Variants in GLRX observed in about 807,000 individuals in gnomAD.
GLRX encodes the protein glutaredoxin, also known as glutaredoxin-1.
A neutral mutation model predicts 11.1 loss-of-function variants in GLRX; 9 were observed. That is an observed-to-expected ratio of 0.81 (90% confidence interval 0.49 to 1.42). The LOEUF is 1.42. Ranked by LOEUF, GLRX falls within the 40% of genes most tolerant of loss-of-function variation. The pLI is 0.00. For missense variants in GLRX, 102 were observed against 126.2 expected, an observed-to-expected ratio of 0.81 and a Z score of 0.92; for synonymous variants, 49 against 49.5, an observed-to-expected ratio of 0.99 and a Z score of 0.04.
At chr5:95,817,961 AAG>A (rs1404515012) in intron 1 of GLRX, 1 of 152,224 alleles carries the variant, frequency 6.6e-6, no homozygotes, top group Non-Finnish European at 1.5e-5. Flanking sequence ...TTTTATTAAA[AAG>A]GGGGTCTGGG....
chr5:95,815,630 AGCGCTAGCT>A (rs1005892036), intron 2 of GLRX, among the ~76,000 whole-genome samples: 1 of 152,196 alleles, frequency 6.6e-6, no homozygotes, highest in African/African-American at 2.4e-5. Context: ...GGAGCTAGCT[AGCGCTAGCT>A]GTGCTGGGGA....
chr5:95,822,426 CT>C (rs1561468820), intron 1 of GLRX, 29 bp downstream of exon 1: 2 of 1,563,720 alleles, frequency 1.3e-6, no homozygotes, highest in South Asian at 2.2e-5. Context: ...ATCCGGGAGC[CT>C]TTCCCTAGCC....
At position 95,819,718 on chromosome 5, in the gene GLRX, T is replaced by C. The variant is rs529281543; in HGVS notation, c.207+2738A>G. Among the ~76,000 whole-genome samples, 3 of 151,560 alleles carry C rather than the reference T, an allele frequency of 2.0e-5. No individual in the cohort carries two copies. In the South Asian group the frequency reaches 6.3e-4, roughly 32 times the overall value. On this transcript the variant is annotated intron_variant, in intron 1 of 2. Coordinates refer to ENST00000237858, the MANE Select transcript of GLRX (RefSeq NM_001118890.2). ...ATTGAGACCATCCTGGCTAACACAG[T>C]GAAAACCCGTCTCTACTAAACATAC...
Position 95,813,856 on chromosome 5 carries a change from A to G in GLRX, c.*540T>C, listed in dbSNP as rs1200091732. 1.3e-5 allele frequency: 2 copies of G among 152,276 alleles called. No individual in the cohort carries two copies. The highest frequency in any genetic ancestry group is 2.9e-5 in the Non-Finnish European group (2 of 68,046). 9.4% of individuals were successfully genotyped at this position (152,276 alleles called of 1,614,324 possible). On this transcript the variant is annotated 3_prime_UTR_variant, in exon 3 of 3. Coordinates refer to ENST00000237858, the MANE Select transcript of GLRX (RefSeq NM_001118890.2). Reference sequence around the variant, plus strand: ...CCATTTGTACTCAGTGAGTGACAGCAGCACGTGTCTTTATTTATAATGGCA... The same window carrying G: ...CCATTTGTACTCAGTGAGTGACAGCGGCACGTGTCTTTATTTATAATGGCA...
chr5:95,816,971 A>T (rs1455335372), intron 1 of GLRX: 1 of 197,614 alleles, frequency 5.1e-6, no homozygotes, highest in East Asian at 1.5e-4. Flanking sequence ...TCTCTGCATC[A>T]GGGACCACAC....
chr5:95,819,391 G>T (rs1408957792), intron 1 of GLRX: 1 of 152,218 alleles, frequency 6.6e-6, no homozygotes. Flanking sequence ...AAGTTCTTCA[G>T]AGAGAAGGGA....
At chr5:95,822,349 G>A (rs1747273068) in intron 1 of GLRX, 107 bp downstream of exon 1, 1 of 856,560 alleles carries the variant, frequency 1.2e-6, no homozygotes, top group South Asian at 1.4e-5. Flanking sequence ...ACAGCCCTCT[G>A]GACGCCTTGA....
At chr5:95,819,850 G>A (rs374046629) in intron 1 of GLRX, among the ~76,000 whole-genome samples, 16 of 128,458 alleles carry the variant, frequency 1.2e-4, no homozygotes, top group African/African-American at 4.7e-4. Flanking sequence ...AGTGAGCTGA[G>A]ATTGCGCCAT....
intron 1 of GLRX, among the ~76,000 whole-genome samples, chr5:95,820,722 A>G (rs1278011208): frequency 6.6e-6 from 1 of 151,606 alleles, no homozygotes; most frequent in African/African-American, 2.4e-5. Flanking sequence ...TGTTAAATGA[A>G]CACATGAAGA....
intron 2 of GLRX, 178 bp downstream of exon 2, chr5:95,816,329 A>ATTGACACGATCTCT: frequency 1.8e-6 from 1 of 543,666 alleles, no homozygotes; most frequent in Non-Finnish European, 3.3e-6. Flanking sequence ...GATTTCTCTC[A>ATTGACACGATCTCT]TTGACACGAT....
At position 95,822,499 on chromosome 5, in the gene GLRX, T is replaced by A. The variant is rs1370373292; in HGVS notation, c.164A>T (p.Asn55Ile). Residue 55 changes from asparagine to isoleucine, a missense_variant, in exon 1 of 3, where the codon AAC becomes ATC. Physicochemically the swap from Asn to Ile is moderately radical, Grantham distance 149 (BLOSUM62 -3). Transcript: ENST00000237858. ...FVDITATNHT[N>I]EIQDYLQQLT... ...CTGTTGCAAATAATCTTGAATCTCGTTAGTGTGGTTGGTGGCTGTGATATC... is the reference window on the plus strand; with the variant it reads ...CTGTTGCAAATAATCTTGAATCTCGATAGTGTGGTTGGTGGCTGTGATATC... 6 of 1,613,796 alleles carry A rather than the reference T, an allele frequency of 3.7e-6. No individual in the cohort carries two copies. The highest frequency in any genetic ancestry group is 4.2e-6 in the Non-Finnish European group (5 of 1,179,834).
chr5:95,820,352 T>TTA (rs781427528), intron 1 of GLRX, among the ~76,000 whole-genome samples: 1 of 79,624 alleles, frequency 1.3e-5, no homozygotes, highest in Non-Finnish European at 2.3e-5. Context: ...CTCTGTCTCT[T>TTA]AAAAAAAAAA....
At chr5:95,821,573 G>A in intron 1 of GLRX, among the ~76,000 whole-genome samples, 1 of 152,222 alleles carries the variant, frequency 6.6e-6, no homozygotes, top group South Asian at 2.1e-4. Context: ...ACACTGTGCT[G>A]TAGAATTCGT....
In GLRX at chr5:95,820,691, C is replaced by CAA. The variant is rs60659232; in HGVS notation, c.207+1763_207+1764dup. On this transcript the variant is annotated intron_variant, in intron 1 of 2. Transcript: ENST00000237858. The stretch of plus-strand genomic sequence containing the variant: ...GGGCGACAAGAGCGAAATTCCATCT[C>CAA]AAAAAAAAAAAAAAAGCAATTGTTA... 2.2e-3 allele frequency among the ~76,000 whole-genome samples: 230 copies of CAA among 106,194 alleles called. 2 individuals are homozygous for CAA. The highest frequency in any genetic ancestry group is 8.6e-3 in the Admixed American group (91 of 10,640). 69.7% of individuals were successfully genotyped at this position (106,194 alleles called of 152,430 possible).
rs1322365032 is a variant in GLRX at position 95,816,597 on chromosome 5, A to G, written c.237T>C (p.Cys79=). Residue 79 remains cysteine, a synonymous_variant, in exon 2 of 3, where the codon TGT becomes TGC. Transcript: ENST00000237858. ...TVPRVFIGKD[C]IGGCSDLVSL... is the part of the protein sequence containing the mutation. ...AGACTAGATCACTGCATCCGCCTAT[A>G]CAATCTTTACCAATAAAGACTCGAG... 1.2e-6 allele frequency: 2 copies of G among 1,605,958 alleles called. No homozygotes were observed. Among genetic ancestry groups the G allele is most frequent in the South Asian group, 1.1e-5 (1 of 90,920 alleles).
intron 1 of GLRX, chr5:95,818,340 TAAAGTTGAGC>T: frequency 6.6e-6 from 1 of 152,356 alleles, no homozygotes. Context: ...GTACTGTTGA[TAAAGTTGAGC>T]AAAGAAGAGG....
At chr5:95,822,330 C>T (rs1241421676) in intron 1 of GLRX, 126 bp downstream of exon 1, 1 of 675,804 alleles carries the variant, frequency 1.5e-6, no homozygotes, top group Non-Finnish European at 2.5e-6. Context: ...CCCACACCCC[C>T]CGCCCCGCAC....
rs779596647 is a variant in GLRX at position 95,822,591 on chromosome 5, C to T, written c.72G>A (p.Pro24=). ...GGATCTCTTGGGCCCTCCTGCAGTACGGGCAGGTGGGCTTGATGAACACAA... is the reference window on the plus strand; with the variant it reads ...GGATCTCTTGGGCCCTCCTGCAGTATGGGCAGGTGGGCTTGATGAACACAA... ...KVVVFIKPTC[P]YCRRAQEILS... The change falls in exon 1 of 3, where the codon CCG becomes CCA. Residue 24 remains proline, a synonymous_variant. Coordinates refer to ENST00000237858, the MANE Select transcript of GLRX (RefSeq NM_001118890.2). The T allele has an allele frequency of 6.2e-7, 1 of 1,613,680 alleles. No individual in the cohort carries two copies.
In GLRX at chr5:95,822,575, G is replaced by T; in HGVS notation, c.88C>A (p.Gln30Lys). The change falls in exon 1 of 3, where the codon CAA becomes AAA. Residue 30 changes from glutamine (Q) to lysine (K), a missense_variant. Transcript: ENST00000237858. The part of the protein sequence containing the change: ...KPTCPYCRRA[Q>K]EILSQLPIKQ... ...ATGGGCAATTGACTGAGGATCTCTT[G>T]GGCCCTCCTGCAGTACGGGCAGGTG... 1 of 1,613,696 alleles carries T rather than the reference G, an allele frequency of 6.2e-7. No homozygotes were observed. Among genetic ancestry groups the T allele is most frequent in the Non-Finnish European group, 8.5e-7 (1 of 1,179,674 alleles).
Sources: allele counts gnomAD v4.1 joint callset (sites outside exome capture counted in the v4.1 genomes callset), GRCh38; gene constraint gnomAD v4.1.1; transcripts MANE v1.5; gene names NCBI Gene and HGNC (gene_info 2026-07-23, HGNC 2026-07-21).